The following SPHKAP variants were observed in gnomAD, a reference collection of about 807,000 sequenced individuals.
SPHKAP encodes the protein SPHK1 interactor, AKAP domain containing.
In SPHKAP, 67 loss-of-function variants were observed where a neutral mutation model predicts 137.5. That is an observed-to-expected ratio of 0.49 (90% CI 0.40 to 0.60). The LOEUF is 0.60. Among genes scored for constraint, SPHKAP ranks in the 20% least tolerant of loss-of-function variants. The pLI, the probability that SPHKAP is intolerant of heterozygous loss-of-function variation, is 0.00. For synonymous variants in SPHKAP, 813 were observed against 785.3 expected, an observed-to-expected ratio of 1.04 and a Z score of -0.59; for missense variants, 2,097 against 2,069.3, an observed-to-expected ratio of 1.01 and a Z score of -0.26.
chr2:228,104,342 AAAT>A (rs1559175459), intron 3 of SPHKAP, among the ~76,000 whole-genome samples: 1 of 145,888 alleles, frequency 6.9e-6, no homozygotes, highest in East Asian at 1.9e-4. Context: ...TTTAATATTA[AAAT>A]AATATTAAAT....
intron 7 of SPHKAP, among the ~76,000 whole-genome samples, chr2:228,008,294 G>GT (rs200238267): frequency 0.013 from 1,748 of 137,366 alleles, 17 homozygotes; most frequent in African/African-American, 0.027. Flanking sequence ...TCTTCTAGGA[G>GT]TTTTTTTTTT....
At chr2:227,986,800 A>G (rs1693228338) in intron 11 of SPHKAP, among the ~76,000 whole-genome samples, 1 of 152,180 alleles carries the variant, frequency 6.6e-6, no homozygotes, top group African/African-American at 2.4e-5. Context: ...TGAGAAAAAT[A>G]CCAATTTACT....
rs1174610684 is a variant in SPHKAP at position 227,981,316 on chromosome 2, T to C, written c.*401A>G. On this transcript the variant is annotated 3_prime_UTR_variant, in exon 12 of 12. Transcript: ENST00000392056. ...GTAAAATATAGGTTACGGAATACTC[T>C]TAAAAATTATTTTGACCACTGAGTT... 6.5e-6 allele frequency: 1 copy of C among 154,122 alleles called. No homozygotes were observed. The highest frequency in any genetic ancestry group is 1.4e-5 in the Non-Finnish European group (1 of 69,408). 9.5% of individuals were successfully genotyped at this position (154,122 alleles called of 1,614,324 possible). A position where few individuals can be genotyped will look rare whatever the true frequency, so the allele number is the denominator to read the frequency against.
chr2:228,135,907 GA>G (rs1036922099), intron 1 of SPHKAP, among the ~76,000 whole-genome samples: 4 of 152,060 alleles, frequency 2.6e-5, no homozygotes, highest in Non-Finnish European at 4.4e-5. Flanking sequence ...TAATATCAAA[GA>G]AAATGTAGGT....
chr2:227,990,571 C>T (rs931407346), intron 11 of SPHKAP, among the ~76,000 whole-genome samples: 5 of 152,136 alleles, frequency 3.3e-5, no homozygotes, highest in Admixed American at 6.5e-5. Context: ...CTTCCTAACA[C>T]GAACCTGTTT....
At chr2:228,154,298 T>C (rs1395023430) in intron 1 of SPHKAP, among the ~76,000 whole-genome samples, 1 of 151,488 alleles carries the variant, frequency 6.6e-6, no homozygotes, top group African/African-American at 2.4e-5. Context: ...GTGAGCCAAA[T>C]CAACATTTAA....
At chr2:227,991,728 T>C (rs560179859) in intron 9 of SPHKAP, 1 of 960,844 alleles carries the variant, frequency 1.0e-6, no homozygotes, top group Non-Finnish European at 1.2e-6. Flanking sequence ...TAATGAATCA[T>C]ATGTTCCCAT....
chr2:228,019,466 G>A lies in SPHKAP; in HGVS notation c.1388C>T (p.Pro463Leu), dbSNP rs1694750012. Residue 463 changes from proline to leucine, a missense_variant, in exon 7 of 12, where the codon CCA becomes CTA. Transcript: ENST00000392056. ...VQSPDGSDAA[P>L]QPGISSWPEM... is the part of the protein sequence containing the mutation. ...AGGCCAGGAGGAGATGCCTGGCTGT[G>A]GGGCAGCATCACTGCCATCTGGACT... 2 of 1,613,982 alleles carry A rather than the reference G, an allele frequency of 1.2e-6. No homozygotes were observed. Among genetic ancestry groups the A allele is most frequent in the African/African-American group, 2.7e-5 (2 of 74,918 alleles).
intron 1 of SPHKAP, among the ~76,000 whole-genome samples, chr2:228,133,547 T>C (rs1223938488): frequency 6.6e-6 from 1 of 152,182 alleles, no homozygotes; most frequent in African/African-American, 2.4e-5. Flanking sequence ...GGTCTATTGG[T>C]TTAATATTTG....
intron 2 of SPHKAP, among the ~76,000 whole-genome samples, chr2:228,122,280 C>T (rs1698932850): frequency 6.6e-6 from 1 of 152,028 alleles, no homozygotes; most frequent in Non-Finnish European, 1.5e-5. Flanking sequence ...TTCAGAGTCC[C>T]CCCTTTTGAT....
intron 2 of SPHKAP, among the ~76,000 whole-genome samples, chr2:228,111,364 T>C (rs1698510628): frequency 6.6e-6 from 1 of 152,152 alleles, no homozygotes; most frequent in South Asian, 2.1e-4. Flanking sequence ...TGAGATGATA[T>C]ATGTGAAACA....
intron 3 of SPHKAP, among the ~76,000 whole-genome samples, chr2:228,102,790 TG>T (rs1310035979): frequency 6.6e-6 from 1 of 152,164 alleles, no homozygotes; most frequent in African/African-American, 2.4e-5. Flanking sequence ...TCACCCCGGC[TG>T]GAGTGCAATG....
intron 3 of SPHKAP, among the ~76,000 whole-genome samples, chr2:228,049,009 G>A (rs1397426200): frequency 6.6e-6 from 1 of 152,136 alleles, no homozygotes; most frequent in African/African-American, 2.4e-5. Flanking sequence ...GAAAGGGAGT[G>A]TGGGACGGTG....
At chr2:228,005,399 GC>G (rs1436550269) in intron 7 of SPHKAP, among the ~76,000 whole-genome samples, 1 of 152,026 alleles carries the variant, frequency 6.6e-6, no homozygotes, top group African/African-American at 2.4e-5. Context: ...TTTTCCATTT[GC>G]TTGGTAGATC....
intron 1 of SPHKAP, chr2:228,172,949 G>T: frequency 1.3e-6 from 1 of 777,098 alleles, no homozygotes; most frequent in Non-Finnish European, 1.6e-6. Context: ...AGAAGAGCAA[G>T]TACAATCCTG....
intron 9 of SPHKAP, 53 bp from the exon 10 acceptor site, chr2:227,991,379 TA>T: frequency 6.2e-7 from 1 of 1,612,700 alleles, no homozygotes; most frequent in African/African-American, 1.3e-5. Context: ...GAATAAGCTG[TA>T]AATGAAAGAT....
Position 228,017,226 on chromosome 2 carries a change from C to A in SPHKAP, c.3628G>T (p.Ala1210Ser), listed in dbSNP as rs1464552392. The A allele has an allele frequency of 6.2e-7, 1 of 1,613,982 alleles. No homozygotes were observed. Among genetic ancestry groups the A allele is most frequent in the Non-Finnish European group, 8.5e-7 (1 of 1,180,020 alleles). Residue 1210 changes from alanine (A) to serine (S), a missense_variant, in exon 7 of 12, where the codon GCC becomes TCC. By Grantham distance (99) the Ala-to-Ser change is moderately conservative. Transcript: ENST00000392056. ...RDIERDSRES[A>S]SSRRSSQDWT... is the part of the protein sequence containing the mutation. Reference sequence around the variant, plus strand: ...TCCTGGCTGCTCCGTCTGGAGGAGGCACTTTCTCTGCTGTCTCTTTCGATG... The same window carrying A: ...TCCTGGCTGCTCCGTCTGGAGGAGGAACTTTCTCTGCTGTCTCTTTCGATG...
At chr2:227,987,704 C>A (rs200585345) in intron 11 of SPHKAP, among the ~76,000 whole-genome samples, 3 of 42,558 alleles carry the variant, frequency 7.0e-5, no homozygotes, top group Admixed American at 6.4e-4. Flanking sequence ...TTAGGTGCCC[C>A]CAACTCCAAG....
intron 1 of SPHKAP, among the ~76,000 whole-genome samples, chr2:228,155,727 G>C (rs550341840): frequency 1.2e-4 from 19 of 152,280 alleles, no homozygotes; most frequent in African/African-American, 4.6e-4. Flanking sequence ...TATGTAAAGA[G>C]ACTTCCAGAT....
Sources: allele counts gnomAD v4.1 joint callset (sites outside exome capture counted in the v4.1 genomes callset), GRCh38; gene constraint gnomAD v4.1.1; transcripts MANE v1.5; gene names NCBI Gene and HGNC (gene_info 2026-07-23, HGNC 2026-07-21).